Variants in NAALADL2 observed in about 807,000 individuals in gnomAD.
NAALADL2 encodes the protein inactive N-acetylated-alpha-linked acidic dipeptidase-like protein 2.
Under a neutral mutation model 87.2 loss-of-function variants are expected in NAALADL2, and 76 were observed. That is an observed-to-expected ratio of 0.87 (90% CI 0.72 to 1.05). NAALADL2 has a LOEUF of 1.05. Ranked by LOEUF, NAALADL2 falls within the 50% of genes least tolerant of loss-of-function variation. The pLI is 0.00. For missense variants in NAALADL2, 1,089 were observed against 945.8 expected (o/e 1.15, Z -1.99); for synonymous variants, 354 against 331.0 (o/e 1.07, Z -0.75).
chr3:175,177,444 G>A lies in NAALADL2; in HGVS notation c.546-56487G>A, dbSNP rs142316516. On this transcript the variant is annotated intron_variant, in intron 2 of 13. Transcript: ENST00000454872. The stretch of plus-strand genomic sequence containing the variant: ...TAGAAAAGAAGCTTAGAATAAACAG[G>A]GCTTTCAGACCCTACTCCGATCACT... Among the ~76,000 whole-genome samples the A allele has an allele frequency of 3.3e-3, 496 of 151,958 alleles. 3 individuals carry two copies. The highest frequency in any genetic ancestry group is 0.011 in the African/African-American group (468 of 41,458).
At chr3:175,516,606 T>C (rs1212787351) in intron 9 of NAALADL2, among the ~76,000 whole-genome samples, 1 of 152,242 alleles carries the variant, frequency 6.6e-6, no homozygotes, top group Non-Finnish European at 1.5e-5. Context: ...TTGCCAATTA[T>C]TGTTTTGAAT....
At chr3:175,240,940 C>T (rs1445648269) in intron 3 of NAALADL2, among the ~76,000 whole-genome samples, 1 of 152,130 alleles carries the variant, frequency 6.6e-6, no homozygotes, top group Non-Finnish European at 1.5e-5. Context: ...GGATTACAGG[C>T]ATGAGCCACT....
At chr3:175,446,232 T>C (rs1417754421) in intron 5 of NAALADL2, among the ~76,000 whole-genome samples, 1 of 127,442 alleles carries the variant, frequency 7.8e-6, no homozygotes, top group Middle Eastern at 4.0e-3. Flanking sequence ...CAGGCAATCA[T>C]GACACCTTTT....
intron 9 of NAALADL2, among the ~76,000 whole-genome samples, chr3:175,505,948 G>T (rs1371924389): frequency 2.6e-5 from 4 of 152,034 alleles, no homozygotes; most frequent in Non-Finnish European, 4.4e-5. Context: ...CTGGTGATTG[G>T]TATCACTTCA....
Position 175,042,536 on chromosome 3 carries a change from A to G in NAALADL2, c.44-54254A>G, listed in dbSNP as rs539143872. ...ACTATTTTCCATAGTGCCTATACCA[A>G]TTTATATTCCCCCCAACAATGAATA... is the stretch of plus-strand genomic sequence containing the variant. On this transcript the variant is annotated intron_variant, in intron 1 of 13. Transcript: ENST00000454872. Among the ~76,000 whole-genome samples, 144 of 152,190 alleles carry G rather than the reference A, an allele frequency of 9.5e-4. 1 individual carries two copies. The highest frequency in any genetic ancestry group is 3.3e-3 in the African/African-American group (137 of 41,538).
rs1714673228 is a variant in NAALADL2, at chr3:175,416,559, C to A, written c.1091-30670C>A. ...GATTTAAGAAGTATTGTGCTAATGA[C>A]AAGATCACTGATGTTAAGTAGAAAA... On this transcript the variant is annotated intron_variant, in intron 5 of 13. Coordinates refer to ENST00000454872, the MANE Select transcript of NAALADL2 (RefSeq NM_207015.3). Among the ~76,000 whole-genome samples the A allele has an allele frequency of 1.3e-5, 2 of 152,010 alleles. 1 individual carries two copies. Among genetic ancestry groups the A allele is most frequent in the South Asian group, 4.1e-4 (2 of 4,828 alleles).
chr3:175,354,487 G>A (rs533535603), intron 5 of NAALADL2, among the ~76,000 whole-genome samples: 8 of 152,004 alleles, frequency 5.3e-5, no homozygotes, highest in Non-Finnish European at 1.0e-4. Flanking sequence ...TGTCATATTC[G>A]CATGTTATTA....
intron 1 of NAALADL2, among the ~76,000 whole-genome samples, chr3:174,976,672 G>A (rs1326860989): frequency 6.6e-6 from 1 of 152,176 alleles, no homozygotes; most frequent in Non-Finnish European, 1.5e-5. Flanking sequence ...CTCTGCTTTA[G>A]AGAAACTACC....
At chr3:174,717,947 GAA>G (rs1731352808) in intron 2 of NAALADL2, among the ~76,000 whole-genome samples, 1 of 152,086 alleles carries the variant, frequency 6.6e-6, no homozygotes, top group Non-Finnish European at 1.5e-5. Context: ...CCAACATGGT[GAA>G]ACCCCCACCT....
At chr3:175,712,364 G>C (rs2151615) in intron 11 of NAALADL2, among the ~76,000 whole-genome samples, 1 of 151,746 alleles carries the variant, frequency 6.6e-6, no homozygotes, top group Non-Finnish European at 1.5e-5. Context: ...CAAAACATTA[G>C]ACGGTAGTCC....
chr3:175,307,991 C>T (rs1757920375), intron 4 of NAALADL2, among the ~76,000 whole-genome samples: 1 of 151,868 alleles, frequency 6.6e-6, no homozygotes, highest in African/African-American at 2.4e-5. Flanking sequence ...ACTTGATGTG[C>T]ACAGTAACTT....
intron 3 of NAALADL2, among the ~76,000 whole-genome samples, chr3:174,815,253 C>T (rs1034555122): frequency 5.3e-5 from 8 of 152,002 alleles, no homozygotes; most frequent in Non-Finnish European, 1.2e-4. Flanking sequence ...TATATTTTCT[C>T]GGAGTGCTGG....
intron 13 of NAALADL2, among the ~76,000 whole-genome samples, chr3:175,794,230 G>A (rs184258452): frequency 6.5e-4 from 99 of 152,196 alleles, no homozygotes; most frequent in Middle Eastern, 3.4e-3. Context: ...CCTACTGAGT[G>A]GAAGCTGAAA....
intron 1 of NAALADL2, among the ~76,000 whole-genome samples, chr3:175,061,350 A>T (rs1303548698): frequency 6.6e-6 from 1 of 152,196 alleles, no homozygotes; most frequent in African/African-American, 2.4e-5. Context: ...TGGTTTTATT[A>T]TTCAGTGAAA....
chr3:174,815,621 G>T (rs1326109308), intron 3 of NAALADL2, among the ~76,000 whole-genome samples: 1 of 151,896 alleles, frequency 6.6e-6, no homozygotes, highest in Non-Finnish European at 1.5e-5. Flanking sequence ...TTCTTATAAG[G>T]ATAACAGTTA....
chr3:175,567,416 A>G (rs1163086796), intron 9 of NAALADL2, among the ~76,000 whole-genome samples: 3 of 152,082 alleles, frequency 2.0e-5, no homozygotes, highest in Non-Finnish European at 4.4e-5. Flanking sequence ...TAAAGCACTC[A>G]TTAGTACATA....
At chr3:175,775,152 C>G (rs1750050715) in intron 13 of NAALADL2, 1 of 144,924 alleles carries the variant, frequency 6.9e-6, no homozygotes, top group African/African-American at 2.6e-5. Context: ...GATGTTGTTA[C>G]AGGTATCTGT....
At chr3:174,602,112 G>T (rs77182200) in intron 2 of NAALADL2, among the ~76,000 whole-genome samples, 1 of 151,850 alleles carries the variant, frequency 6.6e-6, no homozygotes, top group African/African-American at 2.4e-5. Context: ...GTATTTTGTG[G>T]TTTCATATAA....
chr3:174,652,142 C>A (rs1485431694), intron 2 of NAALADL2, among the ~76,000 whole-genome samples: 1 of 152,142 alleles, frequency 6.6e-6, no homozygotes, highest in Non-Finnish European at 1.5e-5. Flanking sequence ...GCTTTAGTAT[C>A]CTCGCAGCAC....
Sources: allele counts gnomAD v4.1 joint callset (sites outside exome capture counted in the v4.1 genomes callset), GRCh38; gene constraint gnomAD v4.1.1; transcripts MANE v1.5; gene names NCBI Gene and HGNC (gene_info 2026-07-23, HGNC 2026-07-21).